FSCN3: variants seen among roughly 807,000 people sequenced by gnomAD.
The protein encoded by FSCN3 is fascin actin-bundling protein 3.
In FSCN3, 43 loss-of-function variants were observed where a neutral mutation model predicts 53.5. The ratio of observed to expected loss-of-function variants is 0.80; its 90% CI spans 0.63 to 1.04. The LOEUF is 1.04. Ranked by LOEUF, FSCN3 falls within the 50% of genes least tolerant of loss-of-function variation. FSCN3 has a pLI of 0.00. For synonymous variants in FSCN3, 235 were observed against 246.6 expected (o/e 0.95, Z 0.44); for missense variants, 594 against 646.5 (o/e 0.92, Z 0.88).
chr7:127,593,965 A>C lies in FSCN3; in HGVS notation c.112A>C (p.Thr38Pro). ...CTTTGAGGCATGCAAGAATACAGTC[A>C]CTGCAACTGCGAAGAGTTTGGGCAG... ...LTFEACKNTVTATAKSLGRRQ... is the reference protein window; with the variant it reads ...LTFEACKNTVPATAKSLGRRQ... Residue 38 changes from threonine (T) to proline (P), a missense_variant, in exon 1 of 7, where the codon ACT becomes CCT. By Grantham distance (38) the Thr-to-Pro change is conservative. Coordinates refer to ENST00000265825, the MANE Select transcript of FSCN3 (RefSeq NM_020369.3). The C allele has an allele frequency of 6.2e-7, 1 of 1,612,638 alleles. No individual in the cohort carries two copies. Among genetic ancestry groups the C allele is most frequent in the Non-Finnish European group, 8.5e-7 (1 of 1,179,492 alleles).
chr7:127,600,860 C>A (rs911355798), intron 6 of FSCN3, among the ~76,000 whole-genome samples: 3 of 152,240 alleles, frequency 2.0e-5, no homozygotes, highest in Non-Finnish European at 4.4e-5. Flanking sequence ...AACCCTTCTC[C>A]TGACCTCTAA....
At chr7:127,598,309 A>C in intron 3 of FSCN3, 126 bp from the exon 4 acceptor site, 4 of 887,692 alleles carry the variant, frequency 4.5e-6, no homozygotes, top group Non-Finnish European at 7.3e-6. Context: ...GAAAGCATCA[A>C]CTCTGGGAGC....
rs775890960 is a variant in FSCN3 at position 127,595,902 on chromosome 7, G to C, written c.740G>C (p.Gly247Ala). ...GGCACGCATCTGCTCTTGGGCATGG[G>C]CTGCAACCCCATGAGGGGTGAGGAG... is the stretch of plus-strand genomic sequence containing the variant. ...PQGTHLLLGM[G>A]CNPMRGEEWF... Residue 247 changes from glycine to alanine, a missense_variant, in exon 2 of 7, where the codon GGC (glycine) becomes GCC (alanine). Gly to Ala is a moderately conservative substitution (Grantham distance 60). Transcript: ENST00000265825. 5 of 1,613,088 alleles carry C rather than the reference G, an allele frequency of 3.1e-6. No homozygotes were observed. The highest frequency in any genetic ancestry group is 4.2e-6 in the Non-Finnish European group (5 of 1,179,450).
chr7:127,600,422 G>C (rs750486392), intron 6 of FSCN3, 23 bp downstream of exon 6: 1 of 1,429,222 alleles, frequency 7.0e-7, no homozygotes. Flanking sequence ...AACAGGTAAG[G>C]GGCTAGGGGA....
At chr7:127,598,938 C>T (rs1004316169) in intron 4 of FSCN3, among the ~76,000 whole-genome samples, 9 of 148,180 alleles carry the variant, frequency 6.1e-5, no homozygotes, top group South Asian at 2.1e-4. Context: ...GCAGCCTGGG[C>T]GACAGAGCGA....
rs1794378316 is a variant in FSCN3, at chr7:127,595,767, T to C, written c.605T>C (p.Val202Ala). Residue 202 changes from valine (V) to alanine (A), a missense_variant, in exon 2 of 7, where the codon GTA becomes GCA. Transcript: ENST00000265825. ...ETSTHHFLSH[V>A]DRLFSQPSSQ... ...TCTACACACCACTTCTTGTCCCATG[T>C]AGACCGGCTGTTCTCCCAACCCTCA... 1 of 1,614,056 alleles carries C rather than the reference T, an allele frequency of 6.2e-7. No homozygotes were observed. Among genetic ancestry groups the C allele is most frequent in the Non-Finnish European group, 8.5e-7 (1 of 1,179,894 alleles).
At position 127,598,331 on chromosome 7, in the gene FSCN3, T is replaced by C. The variant is rs914352315; in HGVS notation, c.961-104T>C. On this transcript the variant is annotated intron_variant, in intron 3 of 6. Coordinates refer to ENST00000265825, the MANE Select transcript of FSCN3 (RefSeq NM_020369.3). Reference sequence around the variant, plus strand: ...TCAACTCTGGGAGCATGAAAAAGGCTGATGAGTGGGATGTGGGAAGAGGGT... The same window carrying C: ...TCAACTCTGGGAGCATGAAAAAGGCCGATGAGTGGGATGTGGGAAGAGGGT... The C allele has an allele frequency of 7.4e-6, 8 of 1,081,950 alleles. No individual in the cohort carries two copies. The Admixed American group carries it at 1.5e-4, about 20-fold the overall frequency. 67.0% of individuals were successfully genotyped at this position (1,081,950 alleles called of 1,614,324 possible).
intron 6 of FSCN3, 141 bp downstream of exon 6, chr7:127,600,540 C>G: frequency 1.6e-6 from 1 of 612,818 alleles, no homozygotes; most frequent in Non-Finnish European, 2.9e-6. Context: ...TGATCAACTC[C>G]AGACATTTAT....
Position 127,600,271 on chromosome 7 carries a change from A to T in FSCN3, c.1369A>T (p.Ile457Phe). Residue 457 changes from isoleucine (I) to phenylalanine (F), a missense_variant, in exon 6 of 7, where the codon ATC (isoleucine) becomes TTC (phenylalanine). Ile to Phe is a conservative substitution (Grantham distance 21). Coordinates refer to ENST00000265825, the MANE Select transcript of FSCN3 (RefSeq NM_020369.3). The stretch of plus-strand genomic sequence containing the variant: ...GGGCAAGTTTGCCCTCAACTTCTGT[A>T]TCGAGCTTCAGGGGAGCAACTTACT... ...PWGKFALNFC[I>F]ELQGSNLLTV... 6.2e-7 allele frequency: 1 copy of T among 1,610,384 alleles called. No individual in the cohort carries two copies. Among genetic ancestry groups the T allele is most frequent in the Non-Finnish European group, 8.5e-7 (1 of 1,176,492 alleles).
intron 1 of FSCN3, chr7:127,594,534 C>T (rs1387804907): frequency 4.2e-6 from 2 of 471,050 alleles, no homozygotes; most frequent in African/African-American, 2.0e-5. Context: ...GTGGAGAGCA[C>T]AGGGTGGTTG....
At chr7:127,594,302 GCA>G (rs1794350301) in intron 1 of FSCN3, among the ~76,000 whole-genome samples, 1 of 64,126 alleles carries the variant, frequency 1.6e-5, no homozygotes, top group East Asian at 2.7e-3. Flanking sequence ...GTATATGAAA[GCA>G]GGGTGTACTC....
intron 1 of FSCN3, chr7:127,594,892 A>C: frequency 2.1e-6 from 1 of 475,532 alleles, no homozygotes; most frequent in Admixed American, 2.3e-5. Context: ...CCATGCTGGA[A>C]GGCAACCTTT....
intron 1 of FSCN3, among the ~76,000 whole-genome samples, chr7:127,594,317 A>C (rs1794350615): frequency 6.6e-6 from 1 of 151,148 alleles, no homozygotes. Flanking sequence ...GTGTACTCTC[A>C]ACCTAATCAC....
At chr7:127,597,180 G>A (rs984963587) in intron 3 of FSCN3, among the ~76,000 whole-genome samples, 11 of 152,186 alleles carry the variant, frequency 7.2e-5, no homozygotes, top group South Asian at 4.1e-4. Flanking sequence ...GTTGCTATAA[G>A]CATTCATGTA....
chr7:127,599,009 G>A (rs1484540692), intron 4 of FSCN3, among the ~76,000 whole-genome samples: 3 of 151,152 alleles, frequency 2.0e-5, no homozygotes, highest in Non-Finnish European at 4.4e-5. Context: ...ATTTGGGTCT[G>A]TACTTGTTCA....
intron 4 of FSCN3, among the ~76,000 whole-genome samples, 187 bp downstream of exon 4, chr7:127,598,781 G>A (rs1217108728): frequency 6.6e-6 from 1 of 152,088 alleles, no homozygotes; most frequent in Non-Finnish European, 1.5e-5. Flanking sequence ...CTGACCACGT[G>A]AAACCCCATC....
chr7:127,598,199 A>G lies in FSCN3; in HGVS notation c.961-236A>G, dbSNP rs372810143. On this transcript the variant is annotated intron_variant, in intron 3 of 6. Transcript: ENST00000265825. The stretch of plus-strand genomic sequence containing the variant: ...AAGACTGAGGTTTATTTCTCTCCCT[A>G]TGATATCCTGGCGTAGTTTTTATGC... Among the ~76,000 whole-genome samples the G allele has an allele frequency of 4.6e-5, 7 of 152,294 alleles. 1 individual carries two copies. The highest frequency in any genetic ancestry group is 6.5e-5 in the Admixed American group (1 of 15,286).
At position 127,596,317 on chromosome 7, in the gene FSCN3, T is replaced by C. The variant is rs764844849; in HGVS notation, c.842-11T>C. ...AGGGGAGGCTTTTACTGACATGCGCTTCCTCTGCAGATGGTGAGGTGCGTG... is the reference window on the plus strand; with the variant it reads ...AGGGGAGGCTTTTACTGACATGCGCCTCCTCTGCAGATGGTGAGGTGCGTG... On this transcript the variant is annotated splice_polypyrimidine_tract_variant and intron_variant, in intron 2 of 6. Coordinates refer to ENST00000265825, the MANE Select transcript of FSCN3 (RefSeq NM_020369.3). The C allele has an allele frequency of 1.9e-6, 3 of 1,588,586 alleles. No homozygotes were observed. In the East Asian group the frequency reaches 6.7e-5, roughly 36 times the overall value.
At chr7:127,595,079 A>T (rs1203062273) in intron 1 of FSCN3, 1 of 596,496 alleles carries the variant, frequency 1.7e-6, no homozygotes, top group African/African-American at 1.9e-5. Context: ...TTCTCTTTGG[A>T]TAGTGCCATC....
Sources: gnomAD v4.1 joint callset for allele counts (sites outside exome capture counted in the v4.1 genomes callset) on GRCh38, gnomAD v4.1.1 for gene constraint, MANE v1.5 for transcripts, NCBI Gene and HGNC (gene_info 2026-07-23, HGNC 2026-07-21) for gene names.